PLEKHH1: variants seen among roughly 807,000 people sequenced by gnomAD.
The protein encoded by PLEKHH1 is pleckstrin homology domain-containing family H member 1.
PLEKHH1 carries 104 observed loss-of-function variants against 160.0 expected under a neutral mutation model. The observed-to-expected ratio is 0.65, with a 90% CI of 0.55 to 0.76. PLEKHH1 has a LOEUF of 0.76. PLEKHH1 is among the 30% of genes least tolerant of loss of function. The pLI, the probability that PLEKHH1 is intolerant of heterozygous loss-of-function variation, is 0.00. For synonymous variants in PLEKHH1, 619 were observed against 678.4 expected, an observed-to-expected ratio of 0.91 and a Z score of 1.36; for missense variants, 1,427 against 1,724.1, an observed-to-expected ratio of 0.83 and a Z score of 3.05.
chr14:67,560,407 G>A (rs570529767), intron 5 of PLEKHH1, among the ~76,000 whole-genome samples: 1 of 152,300 alleles, frequency 6.6e-6, no homozygotes, highest in Admixed American at 6.5e-5. Flanking sequence ...CCATTTAAGT[G>A]TACAATTCAG....
chr14:67,582,024 T>C lies in PLEKHH1; in HGVS notation c.3285-45T>C. The C allele has an allele frequency of 1.3e-6, 2 of 1,577,846 alleles. No homozygotes were observed. Among genetic ancestry groups the C allele is most frequent in the Non-Finnish European group, 1.7e-6 (2 of 1,160,018 alleles). ...GACCCAGAGAAAGCCCCATCCCTGT[T>C]TGGAATCCCTGCTGAGTCCTGGTTT... On this transcript the variant is annotated intron_variant, in intron 23 of 28. Transcript: ENST00000329153. This position sits in a 1 kb window ranked among gnomAD's most constrained non-coding sequence, Gnocchi z 5.0.
rs764418461 is a variant in PLEKHH1, at chr14:67,585,553, T to C, written c.3700-15T>C. 13 of 1,551,726 alleles carry C rather than the reference T, an allele frequency of 8.4e-6. No homozygotes were observed. The South Asian group carries it at 1.4e-4, about 17-fold the overall frequency. On this transcript the variant is annotated splice_polypyrimidine_tract_variant and intron_variant, in intron 26 of 28. Transcript: ENST00000329153. The stretch of plus-strand genomic sequence containing the variant: ...AACTATGGATATATCTGATGGGTTG[T>C]TTCTGTTTCCCCAGCCTGCCCAGCT...
intron 2 of PLEKHH1, 49 bp downstream of exon 2, chr14:67,542,042 G>A (rs1326370946): frequency 6.6e-7 from 1 of 1,504,782 alleles, no homozygotes; most frequent in South Asian, 1.3e-5. Flanking sequence ...AGAGGTTTAT[G>A]GCAGGGAGGG....
Position 67,536,975 on chromosome 14 carries a change from G to C in PLEKHH1, c.-35+3577G>C, listed in dbSNP as rs2033745056. Among the ~76,000 whole-genome samples the C allele has an allele frequency of 2.0e-5, 3 of 151,238 alleles. 1 individual carries two copies. Among genetic ancestry groups the C allele is most frequent in the African/African-American group, 7.4e-5 (3 of 40,780 alleles). ...AAATTGTTTGAACCTGAGAGGCGGAGGTTGCAGTGAGCCGAGATTGCACCA... is the reference window on the plus strand; with the variant it reads ...AAATTGTTTGAACCTGAGAGGCGGACGTTGCAGTGAGCCGAGATTGCACCA... On this transcript the variant is annotated intron_variant, in intron 1 of 28. Coordinates refer to ENST00000329153, the MANE Select transcript of PLEKHH1 (RefSeq NM_020715.3).
intron 9 of PLEKHH1, 23 bp downstream of exon 9, chr14:67,570,035 G>A (rs762844377): frequency 1.1e-5 from 16 of 1,473,888 alleles, no homozygotes; most frequent in Non-Finnish European, 1.2e-5. Context: ...TGCACAAAGA[G>A]GGGGTGTCTC....
intron 2 of PLEKHH1, among the ~76,000 whole-genome samples, chr14:67,542,421 G>T (rs1192163070): frequency 6.6e-6 from 1 of 152,152 alleles, no homozygotes; most frequent in African/African-American, 2.4e-5. Flanking sequence ...AAGGACACAG[G>T]CTTTGGAGCC....
At chr14:67,556,595 TA>T (rs1314303326) in intron 3 of PLEKHH1, among the ~76,000 whole-genome samples, 1 of 152,144 alleles carries the variant, frequency 6.6e-6, no homozygotes, top group Admixed American at 6.6e-5. Flanking sequence ...AGCTTTTAAA[TA>T]CTTAAGCCCA....
Position 67,574,476 on chromosome 14 carries a change from G to A in PLEKHH1, c.2088+73G>A, listed in dbSNP as rs969573066. 5.6e-6 allele frequency: 7 copies of A among 1,252,194 alleles called. No homozygotes were observed. In the Admixed American group the frequency reaches 2.3e-4, roughly 40 times the overall value. The allele number at this position is 1,252,194 out of a possible 1,614,324, so 77.6% of individuals were successfully genotyped here. On this transcript the variant is annotated intron_variant, in intron 14 of 28. Transcript: ENST00000329153. The surrounding 1 kb of genome is among the most constrained non-coding windows in gnomAD (Gnocchi z 4.2). ...AGGGGAGCCAGGATTGGGGTGCCGA[G>A]GGTGGTGGGTTCCCCCTTATACGGG...
chr14:67,575,535 T>C, intron 15 of PLEKHH1, 63 bp downstream of exon 15: 2 of 1,058,090 alleles, frequency 1.9e-6, no homozygotes, highest in South Asian at 2.7e-5. Flanking sequence ...TGACTGCCAC[T>C]CTATGTCCTG....
intron 2 of PLEKHH1, among the ~76,000 whole-genome samples, chr14:67,549,072 T>C (rs2034291184): frequency 6.6e-6 from 1 of 152,158 alleles, no homozygotes; most frequent in Admixed American, 6.5e-5. Context: ...TATCTCATAC[T>C]TTGTGACAAG....
At chr14:67,555,289 T>C (rs766592808) in intron 2 of PLEKHH1, among the ~76,000 whole-genome samples, 10 of 152,142 alleles carry the variant, frequency 6.6e-5, no homozygotes, top group Non-Finnish European at 1.5e-4. Context: ...ATTCAAGAAA[T>C]CAAATAAGGT....
rs147047684 is a variant in PLEKHH1 at position 67,577,603 on chromosome 14, G to A, written c.2574+189G>A. The stretch of plus-strand genomic sequence containing the variant: ...ACTGGGAGGGAAGCAGCTCTGGAAC[G>A]TCATGCACAAGTCCTTGGGAAATGC... On this transcript the variant is annotated intron_variant, in intron 18 of 28. Coordinates refer to ENST00000329153, the MANE Select transcript of PLEKHH1 (RefSeq NM_020715.3). 4.9e-3 allele frequency among the ~76,000 whole-genome samples: 752 copies of A among 152,300 alleles called. 8 individuals are homozygous for A. The highest frequency in any genetic ancestry group is 0.017 in the African/African-American group (722 of 41,566).
Position 67,579,141 on chromosome 14 carries a change from A to T in PLEKHH1, c.2857A>T (p.Thr953Ser). The change falls in exon 21 of 29, where the codon ACT becomes TCT. Residue 953 changes from threonine to serine, a missense_variant. Physicochemically the swap from Thr to Ser is moderately conservative, Grantham distance 58. Coordinates refer to ENST00000329153, the MANE Select transcript of PLEKHH1 (RefSeq NM_020715.3). ...LQRHADPRSE[T>S]GQYATYCQRA... ...CCTCTTCCGTCTTTTTAGAAGTGAA[A>T]CTGGCCAGTATGCCACCTACTGCCA... The T allele has an allele frequency of 6.2e-7, 1 of 1,604,600 alleles. No individual in the cohort carries two copies. The highest frequency in any genetic ancestry group is 1.3e-5 in the African/African-American group (1 of 74,574).
chr14:67,572,028 G>C (rs1178557911), intron 10 of PLEKHH1, 107 bp from the exon 11 acceptor site: 2 of 1,481,992 alleles, frequency 1.3e-6, no homozygotes, highest in African/African-American at 2.8e-5. Flanking sequence ...TCCACCCCCA[G>C]CCCCAGAGAC....
chr14:67,576,586 T>C lies in PLEKHH1; in HGVS notation c.2461+83T>C. 1.4e-6 allele frequency: 1 copy of C among 718,100 alleles called. No individual in the cohort carries two copies. Among genetic ancestry groups the C allele is most frequent in the Admixed American group, 2.3e-5 (1 of 43,144 alleles). 44.5% of individuals were successfully genotyped at this position (718,100 alleles called of 1,614,324 possible). On this transcript the variant is annotated intron_variant, in intron 17 of 28. Coordinates refer to ENST00000329153, the MANE Select transcript of PLEKHH1 (RefSeq NM_020715.3). This position sits in a 1 kb window ranked among gnomAD's most constrained non-coding sequence, Gnocchi z 4.0. ...GGTCAAGATCCCAAAGAAAGCAGTG[T>C]TGTACCCTGAAGCTGTTTTTAAAAC...
At chr14:67,579,593 C>T (rs756016197) in intron 21 of PLEKHH1, 128 bp from the exon 22 acceptor site, 1 of 916,656 alleles carries the variant, frequency 1.1e-6, no homozygotes, top group East Asian at 2.6e-5. Context: ...AACACAGAAA[C>T]CAACTTGCTT....
chr14:67,557,911 C>G (rs2034659216), intron 4 of PLEKHH1, among the ~76,000 whole-genome samples: 2 of 152,184 alleles, frequency 1.3e-5, no homozygotes, highest in Non-Finnish European at 2.9e-5. Flanking sequence ...ATGATCAGAG[C>G]TGCACAGAGC....
chr14:67,550,928 C>T (rs960991050), intron 2 of PLEKHH1, among the ~76,000 whole-genome samples: 1 of 152,176 alleles, frequency 6.6e-6, no homozygotes, highest in Non-Finnish European at 1.5e-5. Context: ...ACAGTACCTG[C>T]CTTCTGGGGT....
intron 22 of PLEKHH1, chr14:67,580,152 T>C (rs1185492639): frequency 5.4e-6 from 2 of 370,984 alleles, no homozygotes; most frequent in African/African-American, 4.1e-5. Flanking sequence ...CTTCTTGGCT[T>C]GGTGTAGGGA....
Sources: gnomAD v4.1 joint callset for allele counts (sites outside exome capture counted in the v4.1 genomes callset) on GRCh38, gnomAD v4.1.1 for gene constraint, Gnocchi (gnomAD v3.1) non-coding constraint, MANE v1.5 for transcripts, NCBI Gene and HGNC (gene_info 2026-07-23, HGNC 2026-07-21) for gene names.